Variants in MRPL35 observed in about 807,000 individuals in gnomAD.
MRPL35 encodes large ribosomal subunit protein bL35m.
MRPL35 carries 18 observed loss-of-function variants against 21.6 expected under a neutral mutation model. The observed-to-expected ratio is 0.83, with a 90% CI of 0.58 to 1.24. The LOEUF (loss-of-function observed/expected upper bound fraction) is 1.24, where lower values mean the gene tolerates loss of function less well. Among genes scored for constraint, MRPL35 ranks in the 50% most tolerant of loss-of-function variants. MRPL35 has a pLI of 0.00. For synonymous variants in MRPL35, 87 were observed against 86.9 expected (o/e 1.00, Z -0.01); for missense variants, 223 against 223.2 (o/e 1.00, Z 0.01).
At chr2:86,203,415 C>A (rs960076993) in intron 1 of MRPL35, among the ~76,000 whole-genome samples, 1 of 152,114 alleles carries the variant, frequency 6.6e-6, no homozygotes, top group Admixed American at 6.5e-5. Flanking sequence ...CCCGATCTCA[C>A]GTGATCGGTG....
In MRPL35 at chr2:86,206,342, T is replaced by G. The variant is rs143801708; in HGVS notation, c.233+47T>G. ...GGTTTTTTTTGTTTTTTGTTTTTTG[T>G]TTTTTTTTGAGACGGAGTCTCACTC... On this transcript the variant is annotated intron_variant, in intron 2 of 3. Coordinates refer to ENST00000337109, the MANE Select transcript of MRPL35 (RefSeq NM_016622.4). 1.3e-4 allele frequency: 187 copies of G among 1,494,882 alleles called. No individual in the cohort carries two copies. The African/African-American group carries it at 2.1e-3, about 17-fold the overall frequency. 92.6% of individuals were successfully genotyped at this position (1,494,882 alleles called of 1,614,324 possible). A position where few individuals can be genotyped will look rare whatever the true frequency, so the allele number is the denominator to read the frequency against.
rs528943596 is a variant in MRPL35, at chr2:86,213,391, T to G, written c.*2723T>G. On this transcript the variant is annotated 3_prime_UTR_variant, in exon 4 of 4. Coordinates refer to ENST00000337109, the MANE Select transcript of MRPL35 (RefSeq NM_016622.4). Reference sequence around the variant, plus strand: ...CCATCTGTTCCTGCTTTTAGTCCTCTGAATCTGCTTCTTTTCTTACTGCTG... The same window carrying G: ...CCATCTGTTCCTGCTTTTAGTCCTCGGAATCTGCTTCTTTTCTTACTGCTG... The G allele has an allele frequency of 1.6e-6, 2 of 1,266,012 alleles. No homozygotes were observed. Among genetic ancestry groups the G allele is most frequent in the South Asian group, 6.1e-5 (2 of 32,890 alleles). 78.4% of individuals were successfully genotyped at this position (1,266,012 alleles called of 1,614,324 possible).
chr2:86,213,692 T>G lies in MRPL35; in HGVS notation c.*3024T>G, dbSNP rs1372155683. 6.5e-6 allele frequency: 10 copies of G among 1,548,066 alleles called. No individual in the cohort carries two copies. The highest frequency in any genetic ancestry group is 1.7e-4 in the Middle Eastern group (1 of 5,984). On this transcript the variant is annotated 3_prime_UTR_variant, in exon 4 of 4. Transcript: ENST00000337109. ...AAAAATGATGGACCAAACGTCTGTT[T>G]GCACAATTGAAACTCTACCAGTGGA...
intron 3 of MRPL35, 77 bp downstream of exon 3, chr2:86,207,404 AC>A: frequency 6.7e-7 from 1 of 1,489,662 alleles, no homozygotes; most frequent in Admixed American, 2.2e-5. Context: ...TAATCCCAGC[AC>A]TTTGGCGGGT....
At chr2:86,205,406 G>A (rs1261046533) in intron 1 of MRPL35, among the ~76,000 whole-genome samples, 3 of 126,244 alleles carry the variant, frequency 2.4e-5, no homozygotes, top group Admixed American at 7.6e-5. Context: ...CTGAGGAGGA[G>A]TTGGTTTTGC....
intron 2 of MRPL35, among the ~76,000 whole-genome samples, chr2:86,206,813 G>T (rs2103912071): frequency 6.6e-6 from 1 of 152,322 alleles, no homozygotes; most frequent in South Asian, 2.1e-4. Flanking sequence ...TGGTCATTCA[G>T]TCAGCAAATA....
chr2:86,199,635 C>T, intron 1 of MRPL35, 102 bp downstream of exon 1: 1 of 1,429,484 alleles, frequency 7.0e-7, no homozygotes, highest in Non-Finnish European at 9.7e-7. Flanking sequence ...CAAAAAGGGT[C>T]ATTATTTAAG....
At chr2:86,205,656 A>C (rs576633187) in intron 1 of MRPL35, among the ~76,000 whole-genome samples, 2 of 152,304 alleles carry the variant, frequency 1.3e-5, no homozygotes, top group East Asian at 3.9e-4. Flanking sequence ...CTTTCTAGAG[A>C]ACTCAAGTGC....
chr2:86,202,761 G>A (rs10208602), intron 1 of MRPL35, among the ~76,000 whole-genome samples: 62,071 of 151,654 alleles, frequency 0.41, 13,798 homozygotes, highest in Non-Finnish European at 0.51. Flanking sequence ...GCAAGATCTC[G>A]GCTCACTGCA....
chr2:86,208,695 C>T, intron 3 of MRPL35, among the ~76,000 whole-genome samples: 1 of 152,126 alleles, frequency 6.6e-6, no homozygotes, highest in Non-Finnish European at 1.5e-5. Flanking sequence ...CCTTCCTTTC[C>T]ATGTCCCTCT....
Position 86,206,180 on chromosome 2 carries a change from G to T in MRPL35, c.118G>T (p.Ala40Ser). Residue 40 changes from alanine to serine, a missense_variant, in exon 2 of 4, where the codon GCA becomes TCA. Physicochemically the swap from Ala to Ser is moderately conservative, Grantham distance 99 (BLOSUM62 1). Coordinates refer to ENST00000337109, the MANE Select transcript of MRPL35 (RefSeq NM_016622.4). ...TGTCAAGAATGCCTCTCTTATTTCT[G>T]CATTGTCCACTGGACGTTTTAGTCA... Reference protein sequence around the residue: ...NCVKNASLISALSTGRFSHIQ... With the variant: ...NCVKNASLISSLSTGRFSHIQ... 2 of 1,613,788 alleles carry T rather than the reference G, an allele frequency of 1.2e-6. No individual in the cohort carries two copies. The highest frequency in any genetic ancestry group is 1.1e-5 in the South Asian group (1 of 91,076).
rs1673900727 is a variant in MRPL35 at position 86,211,454 on chromosome 2, A to C, written c.*786A>C. On this transcript the variant is annotated 3_prime_UTR_variant, in exon 4 of 4. Coordinates refer to ENST00000337109, the MANE Select transcript of MRPL35 (RefSeq NM_016622.4). The stretch of plus-strand genomic sequence containing the variant: ...TAGCAGGTTTGCATGCAGCAAAAAA[A>C]CAGTTATGTGAGCAGTTTCACTTGG... 2.0e-6 allele frequency: 2 copies of C among 985,328 alleles called. No individual in the cohort carries two copies. The highest frequency in any genetic ancestry group is 3.5e-5 in the African/African-American group (2 of 57,250). 61.0% of individuals were successfully genotyped at this position (985,328 alleles called of 1,614,324 possible). A position where few individuals can be genotyped will look rare whatever the true frequency, so the allele number is the denominator to read the frequency against.
chr2:86,212,037 G>A lies in MRPL35; in HGVS notation c.*1369G>A, dbSNP rs187176988. 57 of 1,038,158 alleles carry A rather than the reference G, an allele frequency of 5.5e-5. No individual in the cohort carries two copies. The East Asian group carries it at 1.6e-3, about 28-fold the overall frequency. The allele number at this position is 1,038,158 out of a possible 1,614,324, so 64.3% of individuals were successfully genotyped here. A position where few individuals can be genotyped will look rare whatever the true frequency, so the allele number is the denominator to read the frequency against. On this transcript the variant is annotated 3_prime_UTR_variant, in exon 4 of 4. Coordinates refer to ENST00000337109, the MANE Select transcript of MRPL35 (RefSeq NM_016622.4). ...CTAGGGCAGTGGTTCCCAACTCTCC[G>A]ATCAGAATCATCTGGGAAGCATTTT...
Position 86,206,147 on chromosome 2 carries a change from C to G in MRPL35, c.85C>G (p.Arg29Gly). Reference sequence around the variant, plus strand: ...GAATATTTTGGCATCTTCAACCTACCGCAACTGTGTCAAGAATGCCTCTCT... The same window carrying G: ...GAATATTTTGGCATCTTCAACCTACGGCAACTGTGTCAAGAATGCCTCTCT... The part of the protein sequence containing the change: ...PLNILASSTY[R>G]NCVKNASLIS... The change falls in exon 2 of 4, where the codon CGC becomes GGC. Residue 29 changes from arginine to glycine, a missense_variant. By Grantham distance (125) the Arg-to-Gly change is moderately radical. Transcript: ENST00000337109. 11 of 1,613,878 alleles carry G rather than the reference C, an allele frequency of 6.8e-6. No homozygotes were observed. The highest frequency in any genetic ancestry group is 9.3e-6 in the Non-Finnish European group (11 of 1,179,850).
Position 86,212,125 on chromosome 2 carries a change from A to T in MRPL35, c.*1457A>T. On this transcript the variant is annotated 3_prime_UTR_variant, in exon 4 of 4. Coordinates refer to ENST00000337109, the MANE Select transcript of MRPL35 (RefSeq NM_016622.4). Reference sequence around the variant, plus strand: ...AATTATGCATGAATTACTGTTTCAGATCCTTTAATGTGGTAGTTGGTAATA... The same window carrying T: ...AATTATGCATGAATTACTGTTTCAGTTCCTTTAATGTGGTAGTTGGTAATA... 1 of 1,222,924 alleles carries T rather than the reference A, an allele frequency of 8.2e-7. No individual in the cohort carries two copies. The highest frequency in any genetic ancestry group is 1.0e-6 in the Non-Finnish European group (1 of 977,626). 75.8% of individuals were successfully genotyped at this position (1,222,924 alleles called of 1,614,324 possible).
intron 1 of MRPL35, among the ~76,000 whole-genome samples, chr2:86,201,113 G>A (rs1673676887): frequency 6.6e-6 from 1 of 152,128 alleles, no homozygotes; most frequent in South Asian, 2.1e-4. Context: ...GGAATTGCCT[G>A]GTCAGAGAAT....
chr2:86,208,020 C>A (rs1303360373), intron 3 of MRPL35, among the ~76,000 whole-genome samples: 6 of 152,192 alleles, frequency 3.9e-5, no homozygotes, highest in Admixed American at 1.3e-4. Context: ...CTTTAAAAAT[C>A]AAAATTTGGT....
At chr2:86,202,799 C>T (rs550513692) in intron 1 of MRPL35, among the ~76,000 whole-genome samples, 2 of 152,160 alleles carry the variant, frequency 1.3e-5, no homozygotes, top group South Asian at 4.1e-4. Flanking sequence ...TCAAGCAGTT[C>T]TCCTACCTCA....
In MRPL35 at chr2:86,207,171, A is replaced by G. The variant is rs1470409511; in HGVS notation, c.234-12A>G. 6.3e-7 allele frequency: 1 copy of G among 1,574,874 alleles called. No individual in the cohort carries two copies. The highest frequency in any genetic ancestry group is 1.4e-5 in the African/African-American group (1 of 72,590). On this transcript the variant is annotated splice_polypyrimidine_tract_variant and intron_variant, in intron 2 of 3. Transcript: ENST00000337109. ...CTGATTACAAGCTAAAAATTTTAAA[A>G]TATATTTTTAGAATGGCCCCCGTGC...
Sources: gnomAD v4.1 joint callset for allele counts (sites outside exome capture counted in the v4.1 genomes callset) on GRCh38, gnomAD v4.1.1 for gene constraint, MANE v1.5 for transcripts, NCBI Gene and HGNC (gene_info 2026-07-23, HGNC 2026-07-21) for gene names.